ACACB: variants seen among roughly 807,000 people sequenced by gnomAD.
ACACB encodes the protein acetyl-CoA carboxylase beta.
A neutral mutation model predicts 278.8 loss-of-function variants in ACACB; 209 were observed. The observed-to-expected ratio is 0.75, with a 90% confidence interval of 0.67 to 0.84. The LOEUF (loss-of-function observed/expected upper bound fraction) is 0.84. ACACB is among the 40% of genes least tolerant of loss of function. The pLI, the probability that ACACB is intolerant of heterozygous loss-of-function variation, is 0.00. For synonymous variants in ACACB, 1,174 were observed against 1,285.6 expected (o/e 0.91, Z 1.86); for missense variants, 2,850 against 3,269.0 (o/e 0.87, Z 3.13).
intron 29 of ACACB, 88 bp downstream of exon 29, chr12:109,232,894 G>A (rs1008690653): frequency 2.6e-6 from 4 of 1,520,998 alleles, no homozygotes; most frequent in Non-Finnish European, 3.6e-6. Flanking sequence ...CTGGACAGAT[G>A]GGGTGGGAGA....
rs932316032 is a variant in ACACB at position 109,257,246 on chromosome 12, C to T, written c.6263+1010C>T. Among the ~76,000 whole-genome samples the T allele has an allele frequency of 6.6e-5, 10 of 151,772 alleles. 1 individual carries two copies. Among genetic ancestry groups the T allele is most frequent in the Admixed American group, 1.3e-4 (2 of 15,216 alleles). On this transcript the variant is annotated intron_variant, in intron 45 of 52. Coordinates refer to ENST00000338432, the MANE Select transcript of ACACB (RefSeq NM_001093.4). ...CCGAGATTGCGCCATTGCACTCCAG[C>T]CTGGGTGACAGAGCGAGACTCCATC...
chr12:109,199,437 T>C lies in ACACB; in HGVS notation c.2663T>C (p.Phe888Ser). Residue 888 changes from phenylalanine to serine, a missense_variant, in exon 18 of 53, where the codon TTT (phenylalanine) becomes TCT (serine). Physicochemically the swap from Phe to Ser is radical, Grantham distance 155. Around this residue, in one of 3 missense-constraint regions of ACACB, gnomAD observed 2,265 missense variants for 2,561.3 expected, o/e 0.88. Coordinates refer to ENST00000338432, the MANE Select transcript of ACACB (RefSeq NM_001093.4). The part of the protein sequence containing the change: ...RITIGNKTCV[F>S]EKENDPTVLR... ...ACCATCGGCAATAAGACGTGTGTGT[T>C]TGAGAAGGAGAACGATCCTACAGTC... 3.9e-6 allele frequency: 6 copies of C among 1,545,336 alleles called. No individual in the cohort carries two copies. The highest frequency in any genetic ancestry group is 5.2e-6 in the Non-Finnish European group (6 of 1,145,032).
chr12:109,128,365 T>G (rs1252846514), intron 1 of ACACB, among the ~76,000 whole-genome samples: 4 of 152,050 alleles, frequency 2.6e-5, no homozygotes, highest in African/African-American at 9.7e-5. Flanking sequence ...TAGACGGAGT[T>G]TCACTCTTGT....
rs890082014 is a variant in ACACB, at chr12:109,216,471, C to T, written c.3351-147C>T. On this transcript the variant is annotated intron_variant, in intron 22 of 52. Coordinates refer to ENST00000338432, the MANE Select transcript of ACACB (RefSeq NM_001093.4). ...TCTTGACCTCGTGATCTGCCTGCCTCGGCCTCCCAAAGTGCTGGGATTACA... is the reference window on the plus strand; with the variant it reads ...TCTTGACCTCGTGATCTGCCTGCCTTGGCCTCCCAAAGTGCTGGGATTACA... 187 of 696,830 alleles carry T rather than the reference C, an allele frequency of 2.7e-4. 2 individuals are homozygous for T. In the Middle Eastern group the frequency reaches 5.9e-3, roughly 22 times the overall value. The allele number at this position is 696,830 out of a possible 1,614,324, so 43.2% of individuals were successfully genotyped here. A position where few individuals can be genotyped will look rare whatever the true frequency, so the allele number is the denominator to read the frequency against.
intron 34 of ACACB, among the ~76,000 whole-genome samples, chr12:109,238,276 C>T (rs2046688805): frequency 1.3e-5 from 2 of 148,174 alleles, no homozygotes; most frequent in South Asian, 2.1e-4. Context: ...ACTTGTGGAC[C>T]TCTTTCATTG....
chr12:109,238,324 A>C (rs1285716911), intron 34 of ACACB, among the ~76,000 whole-genome samples: 1 of 146,070 alleles, frequency 6.8e-6, no homozygotes, highest in South Asian at 2.1e-4. Context: ...ATTTCCTTGC[A>C]TGGATGTACC....
At chr12:109,257,634 G>C (rs1331734919) in intron 45 of ACACB, among the ~76,000 whole-genome samples, 1 of 152,190 alleles carries the variant, frequency 6.6e-6, no homozygotes, top group Middle Eastern at 3.2e-3. Flanking sequence ...GCAGAGGCAT[G>C]ATCGCTGTTC....
rs372645487 is a variant in ACACB, at chr12:109,265,248, C to T, written c.7081C>T (p.Arg2361Cys). 186 of 1,613,394 alleles carry T rather than the reference C, an allele frequency of 1.2e-4. No individual in the cohort carries two copies. In the Middle Eastern group the frequency reaches 1.3e-3, roughly 11 times the overall value. The change falls in exon 51 of 53, where the codon CGC becomes TGC. Residue 2361 changes from arginine (R) to cysteine (C), a missense_variant. Around this residue, in one of 3 missense-constraint regions of ACACB, gnomAD observed 579 missense variants for 684.6 expected, o/e 0.85. Coordinates refer to ENST00000338432, the MANE Select transcript of ACACB (RefSeq NM_001093.4). ...SHVHIQSMLR[R>C]WFVETEGAVK... The stretch of plus-strand genomic sequence containing the variant: ...CGTGCATATCCAGTCCATGCTGCGT[C>T]GCTGGTTCGTGGAGACGGAGGGGGC...
At chr12:109,213,651 A>G (rs576565306) in intron 22 of ACACB, among the ~76,000 whole-genome samples, 13 of 151,654 alleles carry the variant, frequency 8.6e-5, no homozygotes, top group East Asian at 3.9e-4. Flanking sequence ...CTGGAGTGTA[A>G]TGGTTCGATC....
At chr12:109,266,179 G>T in intron 52 of ACACB, 57 bp from the exon 53 acceptor site, 1 of 1,581,916 alleles carries the variant, frequency 6.3e-7, no homozygotes, top group South Asian at 1.2e-5. Context: ...TGCCACCCTT[G>T]GGGCCACTGA....
chr12:109,203,082 G>C (rs1026617173), intron 19 of ACACB, among the ~76,000 whole-genome samples: 3 of 152,130 alleles, frequency 2.0e-5, no homozygotes, highest in Admixed American at 2.0e-4. Flanking sequence ...ACTCCTCTAG[G>C]TGCCTCATAT....
At chr12:109,251,184 T>G (rs1031724929) in intron 41 of ACACB, among the ~76,000 whole-genome samples, 11 of 152,220 alleles carry the variant, frequency 7.2e-5, no homozygotes, top group African/African-American at 1.7e-4. Context: ...ATGGGGAAGC[T>G]GCTTATCACT....
intron 24 of ACACB, among the ~76,000 whole-genome samples, chr12:109,220,971 A>G (rs2046143599): frequency 6.6e-6 from 1 of 151,978 alleles, no homozygotes; most frequent in Admixed American, 6.6e-5. Context: ...GTTCACACAA[A>G]CTCTTGAGTT....
chr12:109,158,491 A>G (rs1454900093), intron 2 of ACACB, among the ~76,000 whole-genome samples: 2 of 152,138 alleles, frequency 1.3e-5, no homozygotes, highest in Admixed American at 1.3e-4. Flanking sequence ...AGTCTGGGCA[A>G]CATGATGAAA....
At chr12:109,175,387 TG>T (rs1288272498) in intron 7 of ACACB, among the ~76,000 whole-genome samples, 2 of 152,114 alleles carry the variant, frequency 1.3e-5, no homozygotes, top group African/African-American at 4.8e-5. Context: ...TGGTTGTTGT[TG>T]GTCGACTCAG....
At chr12:109,258,410 G>A (rs781569834) in intron 46 of ACACB, 46 bp downstream of exon 46, 2 of 1,519,822 alleles carry the variant, frequency 1.3e-6, no homozygotes, top group African/African-American at 1.4e-5. Flanking sequence ...CAGCGGTACT[G>A]TCGAGAGTGG....
At chr12:109,136,659 A>T (rs2042973039) in intron 1 of ACACB, among the ~76,000 whole-genome samples, 1 of 152,244 alleles carries the variant, frequency 6.6e-6, no homozygotes, top group Non-Finnish European at 1.5e-5. Context: ...TGGTGTATAG[A>T]AACACAACTA....
chr12:109,199,740 G>A lies in ACACB; in HGVS notation c.2778+188G>A, dbSNP rs539009013. On this transcript the variant is annotated intron_variant, in intron 18 of 52. Transcript: ENST00000338432. ...CAAAGAAAAAAACTTCAGGCTGGGC[G>A]TGGTGGTTCACGCCTGTAATCCCAG... 3.9e-5 allele frequency among the ~76,000 whole-genome samples: 6 copies of A among 152,282 alleles called. No individual in the cohort carries two copies. In the South Asian group the frequency reaches 8.3e-4, roughly 21 times the overall value.
At chr12:109,266,079 C>G (rs2047509897) in intron 52 of ACACB, among the ~76,000 whole-genome samples, 157 bp from the exon 53 acceptor site, 1 of 152,218 alleles carries the variant, frequency 6.6e-6, no homozygotes, top group South Asian at 2.1e-4. Context: ...GTCACAGCCC[C>G]TCCTGCTGCA....
Sources: gnomAD v4.1 joint callset for allele counts (sites outside exome capture counted in the v4.1 genomes callset) on GRCh38, gnomAD v4.1.1 for gene constraint, gnomAD v4.1.1 regional missense constraint, MANE v1.5 for transcripts, NCBI Gene and HGNC (gene_info 2026-07-23, HGNC 2026-07-21) for gene names.